ERBB4: variants seen among roughly 807,000 people sequenced by gnomAD.
The protein encoded by ERBB4 is erb-b2 receptor tyrosine kinase 4.
In ERBB4, 42 loss-of-function variants were observed where a neutral mutation model predicts 158.0. The ratio of observed to expected loss-of-function variants is 0.27; its 90% CI spans 0.21 to 0.34. The LOEUF is 0.34. Ranked by LOEUF, ERBB4 falls within the 10% of genes least tolerant of loss-of-function variation. The pLI is 1.00. For missense variants in ERBB4, 1,333 were observed against 1,624.1 expected (o/e 0.82, Z 3.08); for synonymous variants, 583 against 558.7 (o/e 1.04, Z -0.61).
chr2:212,024,260 C>A (rs1447057266), intron 2 of ERBB4, among the ~76,000 whole-genome samples: 3 of 151,840 alleles, frequency 2.0e-5, no homozygotes, highest in African/African-American at 4.8e-5. Flanking sequence ...TACCTCTGTC[C>A]CCCTTCTTGC....
rs530672705 is a variant in ERBB4, at chr2:212,202,495, T to C, written c.83-77592A>G. On this transcript the variant is annotated intron_variant, in intron 1 of 27. Coordinates refer to ENST00000342788, the MANE Select transcript of ERBB4 (RefSeq NM_005235.3). ...TCCCAAGTAGCTGGGACTACAGGCA[T>C]GAGCCACCATGTCTGGGTATTTTTT... is the stretch of plus-strand genomic sequence containing the variant. 5.1e-3 allele frequency among the ~76,000 whole-genome samples: 782 copies of C among 152,162 alleles called. 6 individuals are homozygous for C. The highest frequency in any genetic ancestry group is 0.017 in the African/African-American group (687 of 41,530).
At chr2:212,062,781 G>T (rs144304354) in intron 2 of ERBB4, among the ~76,000 whole-genome samples, 1 of 152,210 alleles carries the variant, frequency 6.6e-6, no homozygotes, top group African/African-American at 2.4e-5. Flanking sequence ...GAGAATCTCA[G>T]ATCAAGCTGA....
intron 1 of ERBB4, among the ~76,000 whole-genome samples, chr2:212,527,437 C>T (rs1692510121): frequency 6.6e-6 from 1 of 152,046 alleles, no homozygotes; most frequent in Non-Finnish European, 1.5e-5. Flanking sequence ...ACACTAACTA[C>T]ATGCACTAGA....
At chr2:211,499,916 G>A (rs12105807) in intron 20 of ERBB4, among the ~76,000 whole-genome samples, 60,294 of 151,688 alleles carry the variant, frequency 0.4, 12,640 homozygotes, top group African/African-American at 0.53. Flanking sequence ...TTTCTGAAAC[G>A]TAGGCACTGT....
intron 2 of ERBB4, among the ~76,000 whole-genome samples, chr2:211,974,761 CA>C (rs762670970): frequency 9.1e-4 from 138 of 152,048 alleles, no homozygotes; most frequent in Non-Finnish European, 1.6e-3. Flanking sequence ...AACACTGTCT[CA>C]AAAAAGAAGA....
intron 19 of ERBB4, among the ~76,000 whole-genome samples, chr2:211,580,351 T>C (rs142399052): frequency 0.018 from 2,721 of 152,070 alleles, 74 homozygotes; most frequent in African/African-American, 0.061. Flanking sequence ...GAATAGACAA[T>C]TCTCAAAAGA....
intron 4 of ERBB4, among the ~76,000 whole-genome samples, chr2:211,754,270 G>C (rs776410598): frequency 9.2e-5 from 14 of 152,116 alleles, no homozygotes; most frequent in African/African-American, 3.4e-4. Flanking sequence ...TGAGGGCCAC[G>C]AAGAGAGGAA....
At chr2:211,979,173 G>A (rs1335701486) in intron 2 of ERBB4, among the ~76,000 whole-genome samples, 3 of 152,110 alleles carry the variant, frequency 2.0e-5, no homozygotes, top group South Asian at 4.2e-4. Context: ...TATGAATATC[G>A]CCTAGGAATA....
chr2:212,537,055 C>T (rs1308000347), intron 1 of ERBB4, among the ~76,000 whole-genome samples: 1 of 152,058 alleles, frequency 6.6e-6, no homozygotes, highest in Admixed American at 6.5e-5. Flanking sequence ...ACGGCCAGCA[C>T]AAACGCCTCA....
chr2:211,606,315 C>A (rs567333939), intron 19 of ERBB4, among the ~76,000 whole-genome samples: 1 of 152,034 alleles, frequency 6.6e-6, no homozygotes, highest in Non-Finnish European at 1.5e-5. Flanking sequence ...TACACATGCC[C>A]ATGAAGTACA....
chr2:211,549,390 G>A (rs1312142578), intron 20 of ERBB4, among the ~76,000 whole-genome samples: 1 of 152,032 alleles, frequency 6.6e-6, no homozygotes, highest in African/African-American at 2.4e-5. Context: ...AGAGGGGGCT[G>A]GTAGTGGGAT....
At chr2:212,328,370 T>C (rs1036568224) in intron 1 of ERBB4, among the ~76,000 whole-genome samples, 3 of 152,006 alleles carry the variant, frequency 2.0e-5, no homozygotes, top group Non-Finnish European at 4.4e-5. Context: ...TTACCCAGAC[T>C]TGTATACGAC....
rs986891189 is a variant in ERBB4 at position 212,187,766 on chromosome 2, G to A, written c.83-62863C>T. ...GTGGCTGTAGCTAGTGTTTTAGAGG[G>A]TAGGAAATAATGATGCAAAATCAGA... On this transcript the variant is annotated intron_variant, in intron 1 of 27. Transcript: ENST00000342788. Among the ~76,000 whole-genome samples the A allele has an allele frequency of 4.6e-5, 7 of 152,140 alleles. No individual in the cohort carries two copies. In the South Asian group the frequency reaches 1.2e-3, roughly 27 times the overall value.
At chr2:211,948,207 C>T (rs776026308) in intron 2 of ERBB4, among the ~76,000 whole-genome samples, 3 of 151,902 alleles carry the variant, frequency 2.0e-5, no homozygotes, top group Admixed American at 1.3e-4. Context: ...GAGGCTGAGG[C>T]GAGTGGATCA....
At chr2:211,977,417 TTTTG>T (rs748982281) in intron 2 of ERBB4, among the ~76,000 whole-genome samples, 1 of 152,050 alleles carries the variant, frequency 6.6e-6, no homozygotes, top group Non-Finnish European at 1.5e-5. Context: ...ATCTATTATT[TTTTG>T]TTTGTTTGTT....
At chr2:212,500,608 T>A (rs115773961) in intron 1 of ERBB4, among the ~76,000 whole-genome samples, 1,889 of 152,178 alleles carry the variant, frequency 0.012, 42 homozygotes, top group African/African-American at 0.043. Flanking sequence ...ATAACTTTTG[T>A]CCCACAATGC....
intron 1 of ERBB4, among the ~76,000 whole-genome samples, chr2:212,345,966 A>G (rs1325346119): frequency 6.6e-6 from 1 of 152,224 alleles, no homozygotes; most frequent in Non-Finnish European, 1.5e-5. Flanking sequence ...TATATTATCT[A>G]TTAAGAAATT....
rs374125707 is a variant in ERBB4 at position 212,445,085 on chromosome 2, A to G, written c.82+93364T>C. Among the ~76,000 whole-genome samples, 19 of 152,106 alleles carry G rather than the reference A, an allele frequency of 1.2e-4. 1 individual carries two copies. The highest frequency in any genetic ancestry group is 4.6e-4 in the African/African-American group (19 of 41,492). Reference sequence around the variant, plus strand: ...GTGGCAGTGGGCTCATGCTCATGGAATTCACTGGTCTTACCATGTTCCCCA... The same window carrying G: ...GTGGCAGTGGGCTCATGCTCATGGAGTTCACTGGTCTTACCATGTTCCCCA... On this transcript the variant is annotated intron_variant, in intron 1 of 27. Coordinates refer to ENST00000342788, the MANE Select transcript of ERBB4 (RefSeq NM_005235.3).
chr2:212,373,951 C>CAT (rs1553627742), intron 1 of ERBB4, among the ~76,000 whole-genome samples: 2 of 35,180 alleles, frequency 5.7e-5, no homozygotes, highest in Non-Finnish European at 1.0e-4. Flanking sequence ...ATATATATAT[C>CAT]ATATATATAT....
Sources: allele counts gnomAD v4.1 joint callset (sites outside exome capture counted in the v4.1 genomes callset), GRCh38; gene constraint gnomAD v4.1.1; transcripts MANE v1.5; gene names NCBI Gene and HGNC (gene_info 2026-07-23, HGNC 2026-07-21).